Variants in PFKFB1 observed in about 807,000 individuals in gnomAD.
PFKFB1 encodes the protein 6-phosphofructo-2-kinase/fructose-2,6-biphosphatase 1.
PFKFB1 carries 34 observed loss-of-function variants against 46.4 expected under a neutral mutation model. That is an observed-to-expected ratio of 0.73 (90% CI 0.56 to 0.98). The LOEUF is 0.98. PFKFB1 is among the 50% of genes least tolerant of loss of function. The pLI is 0.00. For synonymous variants in PFKFB1, 119 were observed against 133.8 expected (o/e 0.89, Z 0.76); for missense variants, 393 against 376.3 (o/e 1.04, Z -0.37).
chrX:54,961,185 G>A (rs763700695), intron 2 of PFKFB1, among the ~76,000 whole-genome samples: 8 of 110,695 alleles, frequency 7.2e-5, no homozygotes, highest in Non-Finnish European at 1.5e-4. Context: ...CCTATCTGTG[G>A]ATATCTGAGA....
intron 10 of PFKFB1, among the ~76,000 whole-genome samples, chrX:54,938,893 A>C (rs2146592699): frequency 8.9e-6 from 1 of 111,902 alleles, no homozygotes; most frequent in African/African-American, 3.3e-5. Flanking sequence ...AGCGGACCTA[A>C]TAGACATCTA....
At chrX:54,969,428 G>A (rs1451397169) in intron 1 of PFKFB1, among the ~76,000 whole-genome samples, 2 of 111,429 alleles carry the variant, frequency 1.8e-5, no homozygotes, top group Non-Finnish European at 3.8e-5. Flanking sequence ...CACCAGATGT[G>A]GCCACGTGAT....
Position 54,952,260 on chromosome X carries a change from C to A in PFKFB1, c.639-148G>T. The A allele has an allele frequency of 8.4e-6, 4 of 476,149 alleles. No homozygotes were observed. In the South Asian group the frequency reaches 1.2e-4, roughly 15 times the overall value. The allele number at this position is 476,149 out of a possible 1,213,427, so 39.2% of individuals were successfully genotyped here. A position where few individuals can be genotyped will look rare whatever the true frequency, so the allele number is the denominator to read the frequency against. ...TGTGATGCAATGCCTTGCCCTGTAC[C>A]GAGTACCTGTCCTAGAGACTTGGTT... On this transcript the variant is annotated intron_variant, in intron 7 of 13. Transcript: ENST00000375006.
At chrX:54,979,916 T>TC (rs774179174) in intron 1 of PFKFB1, among the ~76,000 whole-genome samples, 1 of 111,977 alleles carries the variant, frequency 8.9e-6, no homozygotes, top group Non-Finnish European at 1.9e-5. Context: ...AAGCCAGCTG[T>TC]CATGTTGTGA....
At chrX:54,935,116 G>T in intron 11 of PFKFB1, 107 bp from the exon 12 acceptor site, 1 of 604,282 alleles carries the variant, frequency 1.7e-6, no homozygotes, top group Non-Finnish European at 2.8e-6. Flanking sequence ...TCCCCTTGCC[G>T]TGGTGGGGCC....
Position 54,960,878 on chromosome X carries a change from T to C in PFKFB1, c.263A>G (p.Tyr88Cys), listed in dbSNP as rs756195368. 6 of 1,194,226 alleles carry C rather than the reference T, an allele frequency of 5.0e-6. No individual in the cohort carries two copies. The highest frequency in any genetic ancestry group is 3.4e-6 in the Non-Finnish European group (3 of 882,152). ...LGQYRREAVSYKNYEFFLPDN... is the reference protein window; with the variant it reads ...LGQYRREAVSCKNYEFFLPDN... Reference sequence around the variant, plus strand: ...TGGAAGAAAGAATTCATAGTTCTTGTAGCTCACTGCCTCTCGTCGATACTG... The same window carrying C: ...TGGAAGAAAGAATTCATAGTTCTTGCAGCTCACTGCCTCTCGTCGATACTG... The change falls in exon 3 of 14, where the codon TAC becomes TGC. Residue 88 changes from tyrosine to cysteine, a missense_variant. Physicochemically the swap from Tyr to Cys is radical, Grantham distance 194. Coordinates refer to ENST00000375006, the MANE Select transcript of PFKFB1 (RefSeq NM_002625.4).
chrX:54,953,002 G>A (rs956064708), intron 7 of PFKFB1, among the ~76,000 whole-genome samples: 2 of 111,456 alleles, frequency 1.8e-5, no homozygotes, highest in Non-Finnish European at 3.8e-5. Context: ...CCTATATACT[G>A]AATGATATTT....
At chrX:54,953,907 T>C (rs949737060) in intron 7 of PFKFB1, among the ~76,000 whole-genome samples, 7 of 111,881 alleles carry the variant, frequency 6.3e-5, no homozygotes, top group African/African-American at 2.3e-4. Context: ...AGTGCTATTC[T>C]CTTTGCCCGA....
Position 54,934,986 on chromosome X carries a change from G to C in PFKFB1, c.1252C>G (p.Pro418Ala). The C allele has an allele frequency of 8.3e-7, 1 of 1,207,037 alleles. No homozygotes were observed. Among genetic ancestry groups the C allele is most frequent in the South Asian group, 1.8e-5 (1 of 56,267 alleles). The change falls in exon 12 of 14, where the codon CCT becomes GCT. Residue 418 changes from proline (P) to alanine (A), a missense_variant. Physicochemically the swap from Pro to Ala is conservative, Grantham distance 27. Transcript: ENST00000375006. ...SSDELPYLKC[P>A]LHTVLKLTPV... Reference sequence around the variant, plus strand: ...GTGAGTTTGAGCACTGTGTGCAGAGGGCACTTGAGATATGGAAGCTCATCT... The same window carrying C: ...GTGAGTTTGAGCACTGTGTGCAGAGCGCACTTGAGATATGGAAGCTCATCT...
upstream of PFKFB1, chrX:54,994,821 G>T (rs1602234182): frequency 4.0e-6 from 3 of 753,015 alleles, no homozygotes; most frequent in Non-Finnish European, 4.7e-6. Context: ...CTCCAGCCAA[G>T]GGCTAAATAA....
chrX:54,978,303 C>T (rs1204289138), intron 1 of PFKFB1, among the ~76,000 whole-genome samples: 1 of 110,961 alleles, frequency 9.0e-6, no homozygotes, highest in African/African-American at 3.3e-5. Flanking sequence ...TATATATATA[C>T]ATTGTTGAAT....
chrX:54,936,650 A>G (rs1933405650), intron 11 of PFKFB1, among the ~76,000 whole-genome samples: 1 of 111,585 alleles, frequency 9.0e-6, no homozygotes, highest in African/African-American at 3.3e-5. Flanking sequence ...GTGAACAGAG[A>G]GAAATCTACC....
intron 10 of PFKFB1, among the ~76,000 whole-genome samples, chrX:54,938,967 C>T (rs781549796): frequency 9.0e-6 from 1 of 111,688 alleles, no homozygotes; most frequent in South Asian, 3.8e-4. Context: ...GCACTTATTC[C>T]AAAATTGACC....
At chrX:54,934,478 C>T (rs1182620828) in intron 12 of PFKFB1, among the ~76,000 whole-genome samples, 1 of 111,510 alleles carries the variant, frequency 9.0e-6, no homozygotes, top group Non-Finnish European at 1.9e-5. Flanking sequence ...TAGCTTCATC[C>T]CTGTGGACTG....
rs773800873 is a variant in PFKFB1, at chrX:54,976,473, A to C, written c.98-13091T>G. 8.1e-5 allele frequency among the ~76,000 whole-genome samples: 9 copies of C among 111,782 alleles called. No individual in the cohort carries two copies. The South Asian group carries it at 1.5e-3, about 18-fold the overall frequency. The stretch of plus-strand genomic sequence containing the variant: ...ATGGCTAGAATTAAATACACATATA[A>C]ATTTACATGACAATATGAAATGCTG... On this transcript the variant is annotated intron_variant, in intron 1 of 13. Transcript: ENST00000375006.
At chrX:54,963,225 G>A (rs764060388) in intron 2 of PFKFB1, 32 bp downstream of exon 2, 1 of 1,203,338 alleles carries the variant, frequency 8.3e-7, no homozygotes, top group Admixed American at 2.2e-5. Context: ...AGCTTTTATG[G>A]GGTTGTTGAA....
At chrX:54,936,407 G>A (rs1933393598) in intron 11 of PFKFB1, among the ~76,000 whole-genome samples, 1 of 111,209 alleles carries the variant, frequency 9.0e-6, no homozygotes, top group Admixed American at 9.5e-5. Flanking sequence ...GTCCAGTGCT[G>A]CCCTGTCTGG....
At chrX:54,936,612 T>C (rs1433840331) in intron 11 of PFKFB1, among the ~76,000 whole-genome samples, 1 of 111,543 alleles carries the variant, frequency 9.0e-6, no homozygotes, top group Non-Finnish European at 1.9e-5. Flanking sequence ...CCTCATGGTC[T>C]CAAAACATTG....
Position 54,937,633 on chromosome X carries a change from A to G in PFKFB1, c.1190T>C (p.Met397Thr). ...CAGGAAATAGGCCAGGAGGCACCGC[A>G]TGACAGCCTGGTGGCAGATCACCAG... is the stretch of plus-strand genomic sequence containing the variant. ...NVLVICHQAVMRCLLAYFLDK... is the reference protein window; with the variant it reads ...NVLVICHQAVTRCLLAYFLDK... Residue 397 changes from methionine to threonine, a missense_variant, in exon 11 of 14, where the codon ATG (methionine) becomes ACG (threonine). Physicochemically the swap from Met to Thr is moderately conservative, Grantham distance 81 (BLOSUM62 -1). Transcript: ENST00000375006. The G allele has an allele frequency of 8.3e-7, 1 of 1,209,548 alleles. No individual in the cohort carries two copies. Among genetic ancestry groups the G allele is most frequent in the Non-Finnish European group, 1.1e-6 (1 of 893,234 alleles).
Sources: gnomAD v4.1 joint callset for allele counts (sites outside exome capture counted in the v4.1 genomes callset) on GRCh38, gnomAD v4.1.1 for gene constraint, MANE v1.5 for transcripts, NCBI Gene and HGNC (gene_info 2026-07-23, HGNC 2026-07-21) for gene names.